Variants in HYDIN observed in about 807,000 individuals in gnomAD.
HYDIN encodes HYDIN axonemal central pair apparatus protein.
A neutral mutation model predicts 403.9 loss-of-function variants in HYDIN; 132 were observed. That is an observed-to-expected ratio of 0.33 (90% confidence interval 0.28 to 0.38). The LOEUF (loss-of-function observed/expected upper bound fraction) is 0.38. HYDIN is among the 10% of genes least tolerant of loss of function. HYDIN has a pLI of 1.00. For missense variants in HYDIN, 2,827 were observed against 5,009.5 expected (o/e 0.56, Z 13.15); for synonymous variants, 1,202 against 1,891.7 (o/e 0.64, Z 9.46).
intron 23 of HYDIN, among the ~76,000 whole-genome samples, chr16:70,995,909 A>C (rs1338617598): frequency 6.6e-6 from 1 of 151,108 alleles, no homozygotes; most frequent in Non-Finnish European, 1.5e-5. Context: ...CTGCCAGTGC[A>C]CTTCATTAGG....
At chr16:71,051,899 C>T (rs1210597444) in intron 18 of HYDIN, among the ~76,000 whole-genome samples, 1 of 152,074 alleles carries the variant, frequency 6.6e-6, no homozygotes, top group East Asian at 1.9e-4. Flanking sequence ...TTCAATAGTG[C>T]TCCTATAAAT....
chr16:71,226,311 T>C lies in HYDIN; in HGVS notation c.-24+4251A>G, dbSNP rs186333915. ...CACACATACATGGTCAACTGATTTT[T>C]GACAAAGGTGCCAAGGTAAGTGGAG... On this transcript the variant is annotated intron_variant, in intron 1 of 85. Coordinates refer to ENST00000393567, the MANE Select transcript of HYDIN (RefSeq NM_001270974.2). Among the ~76,000 whole-genome samples the C allele has an allele frequency of 2.0e-5, 3 of 152,324 alleles. No individual in the cohort carries two copies. The East Asian group carries it at 5.8e-4, about 29-fold the overall frequency.
chr16:71,116,091 T>A (rs1010578413), intron 9 of HYDIN, among the ~76,000 whole-genome samples: 3 of 152,158 alleles, frequency 2.0e-5, no homozygotes, highest in African/African-American at 7.2e-5. Context: ...ATAGTCACCA[T>A]GCACTACATT....
chr16:71,225,224 A>T (rs1481649038), intron 1 of HYDIN, among the ~76,000 whole-genome samples: 2 of 152,132 alleles, frequency 1.3e-5, no homozygotes, highest in African/African-American at 4.8e-5. Flanking sequence ...CTGCTCTGTG[A>T]TCTATCCAGT....
chr16:70,995,097 C>A (rs936497197), intron 23 of HYDIN, among the ~76,000 whole-genome samples: 6 of 152,204 alleles, frequency 3.9e-5, no homozygotes, highest in Admixed American at 1.3e-4. Context: ...GAGCCGCCCT[C>A]CCTGCTTGCC....
chr16:70,964,549 T>A (rs1440671367), intron 37 of HYDIN, among the ~76,000 whole-genome samples, 179 bp downstream of exon 37: 2 of 150,854 alleles, frequency 1.3e-5, no homozygotes, highest in African/African-American at 4.8e-5. Context: ...AGCCTCTGCA[T>A]CCATAAAATG....
intron 29 of HYDIN, among the ~76,000 whole-genome samples, chr16:70,979,586 C>T (rs1438855214): frequency 6.6e-5 from 10 of 152,208 alleles, no homozygotes; most frequent in Admixed American, 2.0e-4. Context: ...TACCACTACG[C>T]CCGTGCAAAT....
At chr16:70,980,898 T>C (rs1271427190) in intron 29 of HYDIN, among the ~76,000 whole-genome samples, 1 of 152,010 alleles carries the variant, frequency 6.6e-6, no homozygotes, top group Non-Finnish European at 1.5e-5. Flanking sequence ...AACTGGGAAA[T>C]GTAAGTGGGA....
chr16:70,902,813 ATATATATATTTTTT>A (rs1354618131), intron 52 of HYDIN, among the ~76,000 whole-genome samples: 18 of 29,318 alleles, frequency 6.1e-4, no homozygotes, highest in South Asian at 1.5e-3. Flanking sequence ...ATATATATAT[ATATATATATTTTTT>A]TTTTTTTTTT....
intron 11 of HYDIN, among the ~76,000 whole-genome samples, chr16:71,089,007 G>A (rs1228480557): frequency 7.9e-6 from 1 of 126,836 alleles, no homozygotes; most frequent in East Asian, 2.3e-4. Context: ...CATCACTGTG[G>A]ATCCCAGATG....
chr16:71,065,489 T>A (rs2082234589), intron 15 of HYDIN, among the ~76,000 whole-genome samples: 1 of 152,086 alleles, frequency 6.6e-6, no homozygotes, highest in African/African-American at 2.4e-5. Context: ...GTGACTTGGA[T>A]TTTATTTGCC....
At position 71,157,998 on chromosome 16, in the gene HYDIN, G is replaced by A. The variant is rs112413601; in HGVS notation, c.716+4533C>T. Among the ~76,000 whole-genome samples the A allele has an allele frequency of 8.0e-3, 1,192 of 148,750 alleles. 9 individuals are homozygous for A. Among genetic ancestry groups the A allele is most frequent in the Non-Finnish European group, 0.013 (871 of 67,064 alleles). ...TGGGGACTCTGCTGAAGACAAAGAG[G>A]GAAGAGGCTTCTTCCTTCTTCCTAC... On this transcript the variant is annotated intron_variant, in intron 6 of 85. Coordinates refer to ENST00000393567, the MANE Select transcript of HYDIN (RefSeq NM_001270974.2).
chr16:71,145,412 A>T (rs2085329928), intron 7 of HYDIN, among the ~76,000 whole-genome samples: 1 of 152,086 alleles, frequency 6.6e-6, no homozygotes, highest in East Asian at 1.9e-4. Context: ...ACGCCATCAC[A>T]CCCAGCTAAT....
At chr16:71,074,614 G>A (rs1458637142) in intron 13 of HYDIN, among the ~76,000 whole-genome samples, 7 of 136,954 alleles carry the variant, frequency 5.1e-5, no homozygotes, top group East Asian at 2.2e-4. Flanking sequence ...CTCCGGAGGC[G>A]GAGATTGCAG....
intron 1 of HYDIN, among the ~76,000 whole-genome samples, chr16:71,219,993 T>A (rs1408717491): frequency 6.6e-6 from 1 of 152,200 alleles, no homozygotes; most frequent in Admixed American, 6.5e-5. Flanking sequence ...CGTTCTGAAA[T>A]GTACTCATCC....
At position 70,804,972 on chromosome 16, in the gene HYDIN, A is replaced by G. The variant is rs2035046264; in HGVS notation, c.*2608T>C. Among the ~76,000 whole-genome samples the G allele has an allele frequency of 1.3e-5, 2 of 152,234 alleles. No individual in the cohort carries two copies. Among genetic ancestry groups the G allele is most frequent in the East Asian group, 3.8e-4 (2 of 5,198 alleles). ...CTGGTGGCATGTTAGACAAGATTTC[A>G]GACAGCTTCTTCCACCTTTTCTTTA... is the stretch of plus-strand genomic sequence containing the variant. On this transcript the variant is annotated 3_prime_UTR_variant, in exon 86 of 86. Coordinates refer to ENST00000393567, the MANE Select transcript of HYDIN (RefSeq NM_001270974.2).
intron 66 of HYDIN, among the ~76,000 whole-genome samples, 157 bp from the exon 67 acceptor site, chr16:70,866,486 C>T (rs1294527846): frequency 6.6e-6 from 1 of 151,530 alleles, no homozygotes; most frequent in East Asian, 1.9e-4. Context: ...AGGGAACAGA[C>T]AGGCTAAATG....
intron 13 of HYDIN, among the ~76,000 whole-genome samples, chr16:71,078,407 A>G (rs1231955683): frequency 1.3e-5 from 2 of 152,102 alleles, no homozygotes; most frequent in Non-Finnish European, 2.9e-5. Context: ...TTTTTAAAGA[A>G]GTTGTATATA....
chr16:71,228,614 T>C (rs1050704701), intron 1 of HYDIN, among the ~76,000 whole-genome samples: 3 of 152,136 alleles, frequency 2.0e-5, no homozygotes, highest in African/African-American at 7.2e-5. Flanking sequence ...TAAGATACCA[T>C]CTCACACCAG....
Sources: allele counts gnomAD v4.1 joint callset (sites outside exome capture counted in the v4.1 genomes callset), GRCh38; gene constraint gnomAD v4.1.1; transcripts MANE v1.5; gene names NCBI Gene and HGNC (gene_info 2026-07-23, HGNC 2026-07-21).